The following FANCC variants were observed in gnomAD, a reference collection of about 807,000 sequenced individuals.
The protein encoded by FANCC is FA complementation group C.
Under a neutral mutation model 71.3 loss-of-function variants are expected in FANCC, and 55 were observed. The observed-to-expected ratio is 0.77, with a 90% CI of 0.62 to 0.97. The LOEUF is 0.97. Ranked by LOEUF, FANCC falls within the 50% of genes least tolerant of loss-of-function variation. FANCC has a pLI of 0.00. For missense variants in FANCC, 678 were observed against 670.9 expected, an observed-to-expected ratio of 1.01 and a Z score of -0.12; for synonymous variants, 275 against 244.9, an observed-to-expected ratio of 1.12 and a Z score of -1.15.
At chr9:95,242,528 T>C (rs1830697834) in intron 3 of FANCC, among the ~76,000 whole-genome samples, 1 of 150,216 alleles carries the variant, frequency 6.7e-6, no homozygotes, top group East Asian at 1.9e-4. Context: ...TATGAGTTTA[T>C]GAAGCTTAAA....
chr9:95,196,873 T>A (rs1432884298), intron 4 of FANCC, among the ~76,000 whole-genome samples: 1 of 152,228 alleles, frequency 6.6e-6, no homozygotes, highest in Non-Finnish European at 1.5e-5. Context: ...TGCTGCTTAA[T>A]CGTCTCCTTT....
chr9:95,295,694 G>A (rs138522405), intron 1 of FANCC, among the ~76,000 whole-genome samples: 177 of 151,988 alleles, frequency 1.2e-3, no homozygotes, highest in Admixed American at 2.1e-3. Context: ...CTTGAGCCCC[G>A]GAGGTTGAGG....
At chr9:95,241,820 C>T (rs560700214) in intron 3 of FANCC, among the ~76,000 whole-genome samples, 2 of 152,164 alleles carry the variant, frequency 1.3e-5, no homozygotes, top group South Asian at 2.1e-4. Context: ...CCACCACACC[C>T]GGATAATTTT....
At chr9:95,310,665 CA>C (rs933803927) in intron 1 of FANCC, among the ~76,000 whole-genome samples, 12 of 152,058 alleles carry the variant, frequency 7.9e-5, no homozygotes, top group African/African-American at 2.9e-4. Flanking sequence ...CTCCTTAAAC[CA>C]ATAAAAGTCC....
At chr9:95,294,161 A>G in intron 1 of FANCC, 2 of 1,604,306 alleles carry the variant, frequency 1.2e-6, no homozygotes, top group Non-Finnish European at 1.7e-6. Flanking sequence ...CAGACATTGG[A>G]TCATCATAGT....
At chr9:95,177,374 G>A (rs550467253) in intron 4 of FANCC, among the ~76,000 whole-genome samples, 26 of 152,272 alleles carry the variant, frequency 1.7e-4, no homozygotes, top group Middle Eastern at 3.4e-3. Flanking sequence ...AGTTGCTCTG[G>A]GTGAGTAAAT....
At chr9:95,134,670 G>A (rs943168262) in intron 8 of FANCC, among the ~76,000 whole-genome samples, 2 of 152,198 alleles carry the variant, frequency 1.3e-5, no homozygotes, top group African/African-American at 4.8e-5. Flanking sequence ...CTTACAAAAT[G>A]TGCTCCAATC....
At chr9:95,166,640 A>C (rs1021869867) in intron 6 of FANCC, among the ~76,000 whole-genome samples, 1 of 152,198 alleles carries the variant, frequency 6.6e-6, no homozygotes, top group East Asian at 1.9e-4. Context: ...TCAGCCCTCT[A>C]TATCTATGGG....
At chr9:95,223,235 T>G (rs1829392274) in intron 4 of FANCC, among the ~76,000 whole-genome samples, 1 of 152,218 alleles carries the variant, frequency 6.6e-6, no homozygotes, top group Admixed American at 6.5e-5. Flanking sequence ...ACTAGAATTC[T>G]GACAGCAAGG....
chr9:95,128,156 T>C (rs2135011458), intron 8 of FANCC, among the ~76,000 whole-genome samples: 1 of 152,280 alleles, frequency 6.6e-6, no homozygotes, highest in South Asian at 2.1e-4. Flanking sequence ...CTGTAAATAA[T>C]AAAAGTTATT....
At chr9:95,159,993 T>C (rs572760006) in intron 6 of FANCC, among the ~76,000 whole-genome samples, 264 of 152,316 alleles carry the variant, frequency 1.7e-3, no homozygotes, top group Non-Finnish European at 2.9e-3. Context: ...TTCACTCTGA[T>C]GGTAGTTTCT....
intron 4 of FANCC, among the ~76,000 whole-genome samples, chr9:95,225,910 A>C (rs532070435): frequency 5.7e-4 from 87 of 152,358 alleles, no homozygotes; most frequent in African/African-American, 1.8e-3. Context: ...TACCACTCCC[A>C]CAAAACATGC....
At chr9:95,276,933 T>G (rs1474130338) in intron 1 of FANCC, among the ~76,000 whole-genome samples, 2 of 152,230 alleles carry the variant, frequency 1.3e-5, no homozygotes. Flanking sequence ...TCTAGTACAT[T>G]GAATTTGGAA....
chr9:95,279,622 T>C (rs1290027232), intron 1 of FANCC, among the ~76,000 whole-genome samples: 1 of 151,878 alleles, frequency 6.6e-6, no homozygotes, highest in African/African-American at 2.4e-5. Context: ...AAGCCAACTA[T>C]GTCAATAATA....
intron 4 of FANCC, among the ~76,000 whole-genome samples, chr9:95,213,458 T>C (rs528198486): frequency 2.4e-4 from 36 of 152,156 alleles, no homozygotes; most frequent in African/African-American, 6.5e-4. Flanking sequence ...AAGACAGACA[T>C]ACAGATCAGT....
At chr9:95,271,675 G>A (rs1832729207) in intron 1 of FANCC, among the ~76,000 whole-genome samples, 1 of 151,740 alleles carries the variant, frequency 6.6e-6, no homozygotes, top group South Asian at 2.1e-4. Flanking sequence ...GCAAGGAGGT[G>A]TATGAATTGC....
At chr9:95,102,081 G>A (rs1033193674) in intron 14 of FANCC, among the ~76,000 whole-genome samples, 23 of 152,188 alleles carry the variant, frequency 1.5e-4, no homozygotes, top group African/African-American at 2.4e-4. Flanking sequence ...GAGCCTCCTC[G>A]CATTGAGCTC....
At chr9:95,171,807 A>C (rs1032801590) in intron 5 of FANCC, among the ~76,000 whole-genome samples, 1 of 152,198 alleles carries the variant, frequency 6.6e-6, no homozygotes, top group African/African-American at 2.4e-5. Flanking sequence ...CCCTAGAAAG[A>C]GAGGCTGATT....
intron 4 of FANCC, among the ~76,000 whole-genome samples, chr9:95,219,177 A>AAAACTGCAGG (rs1829071081): frequency 6.6e-6 from 1 of 152,232 alleles, no homozygotes; most frequent in South Asian, 2.1e-4. Context: ...GTAGTGCATG[A>AAAACTGCAGG]AAACTGCAGG....
Sources: gnomAD v4.1 joint callset for allele counts (sites outside exome capture counted in the v4.1 genomes callset) on GRCh38, gnomAD v4.1.1 for gene constraint, MANE v1.5 for transcripts, NCBI Gene and HGNC (gene_info 2026-07-23, HGNC 2026-07-21) for gene names.